Variants in ENG observed in about 807,000 individuals in gnomAD.
ENG encodes endoglin, also known as CD105 antigen.
In ENG, 17 loss-of-function variants were observed where a neutral mutation model predicts 71.0. That is an observed-to-expected ratio of 0.24 (90% CI 0.16 to 0.36). The LOEUF (loss-of-function observed/expected upper bound fraction) is 0.36, where lower values mean the gene tolerates loss of function less well. Among genes scored for constraint, ENG ranks in the 10% least tolerant of loss-of-function variants. The pLI is 1.00. For synonymous variants in ENG, 360 were observed against 366.9 expected (o/e 0.98, Z 0.21); for missense variants, 749 against 868.3 (o/e 0.86, Z 1.73).
rs1488746580 is a variant in ENG at position 127,819,336 on chromosome 9, C to A, written c.1311+286G>T. 28 of 459,236 alleles carry A rather than the reference C, an allele frequency of 6.1e-5. 1 individual carries two copies. The highest frequency in any genetic ancestry group is 5.5e-4 in the South Asian group (26 of 47,064). The allele number at this position is 459,236 out of a possible 1,614,324, so 28.4% of individuals were successfully genotyped here. ...CACCTCATTGGCTGCCCAGAAGCAC[C>A]CTGTGGCGCAGAGTCCTTTCTTAGG... On this transcript the variant is annotated intron_variant, in intron 10 of 14. Coordinates refer to ENST00000373203, the MANE Select transcript of ENG (RefSeq NM_001114753.3).
intron 1 of ENG, among the ~76,000 whole-genome samples, chr9:127,853,686 G>A (rs1829084851): frequency 6.6e-6 from 1 of 152,224 alleles, no homozygotes; most frequent in East Asian, 1.9e-4. Flanking sequence ...TGGGGAAGGT[G>A]AGCTGGAGGA....
chr9:127,852,764 C>T (rs967417762), intron 1 of ENG, among the ~76,000 whole-genome samples: 5 of 152,144 alleles, frequency 3.3e-5, no homozygotes, highest in African/African-American at 7.2e-5. Context: ...GGCTTGAAGT[C>T]AGCCGGGTGG....
intron 8 of ENG, 92 bp from the exon 9 acceptor site, chr9:127,820,129 TCCCAAGTCACAGCCATTCCCCTGCC>T: frequency 6.6e-7 from 1 of 1,517,336 alleles, no homozygotes; most frequent in Non-Finnish European, 8.8e-7. Context: ...AACCCAGGGG[TCCCAAGTCACAGCCATTCCCCTGCC>T]CTGCTCCCTC....
In ENG at chr9:127,854,422, A is replaced by C. The variant is rs1230303133; in HGVS notation, c.-67T>G. The C allele has an allele frequency of 4.0e-6, 6 of 1,510,534 alleles. No individual in the cohort carries two copies. Among genetic ancestry groups the C allele is most frequent in the Non-Finnish European group, 5.4e-6 (6 of 1,118,504 alleles). 93.6% of individuals were successfully genotyped at this position (1,510,534 alleles called of 1,614,324 possible). A position where few individuals can be genotyped will look rare whatever the true frequency, so the allele number is the denominator to read the frequency against. On this transcript the variant is annotated 5_prime_UTR_variant, in exon 1 of 15. Transcript: ENST00000373203. ...TCCAGTGGCAGGGCTGCGGGCGGGCACCGGGGCCGGCGTGGGCTCGCACGG... is the reference window on the plus strand; with the variant it reads ...TCCAGTGGCAGGGCTGCGGGCGGGCCCCGGGGCCGGCGTGGGCTCGCACGG...
intron 8 of ENG, among the ~76,000 whole-genome samples, chr9:127,823,831 C>G (rs937729202): frequency 2.0e-5 from 3 of 151,628 alleles, no homozygotes; most frequent in Non-Finnish European, 4.4e-5. Flanking sequence ...ACAGGTGTGT[C>G]CCATCACCTC....
In ENG at chr9:127,845,968, A is replaced by T. The variant is rs376133530; in HGVS notation, c.68-2723T>A. On this transcript the variant is annotated intron_variant, in intron 1 of 14. Coordinates refer to ENST00000373203, the MANE Select transcript of ENG (RefSeq NM_001114753.3). ...AGCAGTCCTCCCGCCTCAGCCTCCCAAAGTGCTAGGATTACAGGTGTGAGC... is the reference window on the plus strand; with the variant it reads ...AGCAGTCCTCCCGCCTCAGCCTCCCTAAGTGCTAGGATTACAGGTGTGAGC... 6.0e-4 allele frequency among the ~76,000 whole-genome samples: 92 copies of T among 152,298 alleles called. 1 individual carries two copies. In the South Asian group the frequency reaches 0.018, roughly 30 times the overall value.
At chr9:127,843,569 G>T (rs1364882773) in intron 1 of ENG, among the ~76,000 whole-genome samples, 2 of 150,612 alleles carry the variant, frequency 1.3e-5, no homozygotes, top group African/African-American at 2.4e-5. Context: ...TGCATGGAAC[G>T]TACTTATACT....
At chr9:127,822,648 A>G (rs1830495000) in intron 8 of ENG, 1 of 152,156 alleles carries the variant, frequency 6.6e-6, no homozygotes, top group Non-Finnish European at 1.5e-5. Context: ...GATATTAGGT[A>G]CAGCTGTCAA....
chr9:127,844,955 G>T (rs1043665442), intron 1 of ENG, among the ~76,000 whole-genome samples: 5 of 152,142 alleles, frequency 3.3e-5, no homozygotes, highest in African/African-American at 2.4e-5. Context: ...AGAGCAGACC[G>T]CAGAGCCCGG....
intron 2 of ENG, among the ~76,000 whole-genome samples, chr9:127,833,970 G>A (rs1418451627): frequency 6.6e-6 from 1 of 152,194 alleles, no homozygotes; most frequent in Non-Finnish European, 1.5e-5. Flanking sequence ...CTCAAGTGAA[G>A]CAGTGAGTGT....
intron 8 of ENG, among the ~76,000 whole-genome samples, chr9:127,821,957 G>A (rs1166009161): frequency 6.6e-6 from 1 of 151,460 alleles, no homozygotes; most frequent in Non-Finnish European, 1.5e-5. Flanking sequence ...GGCTGAGGCA[G>A]GAGAATCACT....
Position 127,818,520 on chromosome 9 carries a change from A to G in ENG, c.1429-143T>C, listed in dbSNP as rs1377574234. 9 of 1,484,520 alleles carry G rather than the reference A, an allele frequency of 6.1e-6. No homozygotes were observed. In the Admixed American group the frequency reaches 9.4e-5, roughly 15 times the overall value. 92.0% of individuals were successfully genotyped at this position (1,484,520 alleles called of 1,614,324 possible). On this transcript the variant is annotated intron_variant, in intron 11 of 14. Coordinates refer to ENST00000373203, the MANE Select transcript of ENG (RefSeq NM_001114753.3). Reference sequence around the variant, plus strand: ...AGAAAGACATGGACCTGTCTGGGGCAGAGGAGGAGGACAGGGCCACATCCT... The same window carrying G: ...AGAAAGACATGGACCTGTCTGGGGCGGAGGAGGAGGACAGGGCCACATCCT...
At position 127,820,050 on chromosome 9, in the gene ENG, AGAG is replaced by A; in HGVS notation, c.1135-16_1135-14del. On this transcript the variant is annotated splice_polypyrimidine_tract_variant and intron_variant, in intron 8 of 14. Coordinates refer to ENST00000373203, the MANE Select transcript of ENG (RefSeq NM_001114753.3). ...TGCACTTCAAATGCTGGGTCGGAAG[AGAG>A]GGGCACCATCAGGAGGCACTGGGGT... The A allele has an allele frequency of 6.2e-7, 1 of 1,612,886 alleles. No homozygotes were observed. Among genetic ancestry groups the A allele is most frequent in the Non-Finnish European group, 8.5e-7 (1 of 1,179,722 alleles).
chr9:127,818,928 T>G, intron 10 of ENG, 96 bp from the exon 11 acceptor site: 2 of 1,017,668 alleles, frequency 2.0e-6, no homozygotes, highest in Non-Finnish European at 1.5e-6. Context: ...CCCTGTGGAG[T>G]TGCCTGACTC....
intron 8 of ENG, among the ~76,000 whole-genome samples, chr9:127,820,721 C>T (rs966358506): frequency 3.3e-5 from 5 of 150,496 alleles, no homozygotes; most frequent in Admixed American, 3.3e-4. Context: ...CCCAGCTACT[C>T]GGGAGGCTGA....
chr9:127,843,316 G>A (rs1175202239), intron 1 of ENG, 71 bp from the exon 2 acceptor site: 25 of 1,603,716 alleles, frequency 1.6e-5, no homozygotes, highest in African/African-American at 4.0e-5. Context: ...CTTTCCAAAC[G>A]TCTCCTAGGG....
At chr9:127,849,616 C>A (rs1018117456) in intron 1 of ENG, among the ~76,000 whole-genome samples, 1 of 152,172 alleles carries the variant, frequency 6.6e-6, no homozygotes, top group African/African-American at 2.4e-5. Flanking sequence ...CAGAGCAGGG[C>A]ATAGATGGGG....
intron 3 of ENG, among the ~76,000 whole-genome samples, chr9:127,827,589 TTGAGC>T (rs1230958611): frequency 2.6e-5 from 4 of 152,210 alleles, no homozygotes. Flanking sequence ...GCCAAGGGCA[TTGAGC>T]TGAATGAAAC....
rs79645639 is a variant in ENG, at chr9:127,847,237, T to C, written c.68-3992A>G. ...TGAAGACCAGGGCGGTTAAAGAAACTGAAGACCAGCTGCCCGAGGTGACCC... is the reference window on the plus strand; with the variant it reads ...TGAAGACCAGGGCGGTTAAAGAAACCGAAGACCAGCTGCCCGAGGTGACCC... On this transcript the variant is annotated intron_variant, in intron 1 of 14. Coordinates refer to ENST00000373203, the MANE Select transcript of ENG (RefSeq NM_001114753.3). 996 of 152,382 alleles carry C rather than the reference T, an allele frequency of 6.5e-3. 10 individuals carry two copies. The highest frequency in any genetic ancestry group is 0.021 in the African/African-American group (856 of 41,526). The allele number at this position is 152,382 out of a possible 1,614,324, so 9.4% of individuals were successfully genotyped here.
Sources: gnomAD v4.1 joint callset for allele counts (sites outside exome capture counted in the v4.1 genomes callset) on GRCh38, gnomAD v4.1.1 for gene constraint, MANE v1.5 for transcripts, NCBI Gene and HGNC (gene_info 2026-07-23, HGNC 2026-07-21) for gene names.